ADH7: variants seen among roughly 807,000 people sequenced by gnomAD.
The protein encoded by ADH7 is all-trans-retinol dehydrogenase [NAD(+)] ADH7.
ADH7 carries 41 observed loss-of-function variants against 34.4 expected under a neutral mutation model. That is an observed-to-expected ratio of 1.19 (90% CI 0.93 to 1.55). ADH7 has a LOEUF of 1.55. ADH7 is among the 40% of genes most tolerant of loss of function. ADH7 has a pLI of 0.00. For synonymous variants in ADH7, 180 were observed against 160.9 expected (o/e 1.12, Z -0.90); for missense variants, 540 against 461.2 (o/e 1.17, Z -1.56).
intron 1 of ADH7, among the ~76,000 whole-genome samples, chr4:99,429,914 T>C (rs1402960722): frequency 6.6e-6 from 1 of 152,158 alleles, no homozygotes; most frequent in African/African-American, 2.4e-5. Flanking sequence ...CCCAACTTAT[T>C]GATTTTTGTT....
intron 6 of ADH7, among the ~76,000 whole-genome samples, chr4:99,420,224 G>A (rs930478): frequency 0.05 from 7,620 of 152,124 alleles, 370 homozygotes; most frequent in African/African-American, 0.12. Flanking sequence ...AATTGCTTTC[G>A]CCAAGAAATC....
In ADH7 at chr4:99,415,595, ACAT is replaced by A. The variant is rs750733698; in HGVS notation, c.980_982del (p.Asp327del). 6.2e-7 allele frequency: 1 copy of A among 1,613,402 alleles called. No individual in the cohort carries two copies. The highest frequency in any genetic ancestry group is 1.1e-5 in the South Asian group (1 of 90,978). On this transcript the variant is annotated inframe_deletion, in exon 8 of 9. Coordinates refer to ENST00000437033, the MANE Select transcript of ADH7 (RefSeq NM_000673.7). ...CAGGAACTCAGTCACTAGTTTTGGG[ACAT>A]CATCTCTGCTTTTCAAACCTGCAAA...
At chr4:99,419,365 C>G (rs1154458) in intron 6 of ADH7, among the ~76,000 whole-genome samples, 80,563 of 151,972 alleles carry the variant, frequency 0.53, 22,040 homozygotes, top group Middle Eastern at 0.62. Flanking sequence ...GTGTACCATG[C>G]ACTAAAATAC....
rs1199898137 is a variant in ADH7 at position 99,412,418 on chromosome 4, T to C, written c.*730A>G. On this transcript the variant is annotated 3_prime_UTR_variant, in exon 9 of 9. Coordinates refer to ENST00000437033, the MANE Select transcript of ADH7 (RefSeq NM_000673.7). The stretch of plus-strand genomic sequence containing the variant: ...GACTTAGGGACTTGCAATTCTACTG[T>C]ATCAAATTGAACATTATGATAAGTA... The C allele has an allele frequency of 6.6e-6, 1 of 152,138 alleles. No homozygotes were observed. The highest frequency in any genetic ancestry group is 2.4e-5 in the African/African-American group (1 of 41,448). 9.4% of individuals were successfully genotyped at this position (152,138 alleles called of 1,614,324 possible).
rs571198332 is a variant in ADH7 at position 99,418,904 on chromosome 4, C to G, written c.961+82G>C. The G allele has an allele frequency of 4.0e-6, 6 of 1,510,408 alleles. No homozygotes were observed. In the East Asian group the frequency reaches 1.4e-4, roughly 34 times the overall value. The allele number at this position is 1,510,408 out of a possible 1,614,324, so 93.6% of individuals were successfully genotyped here. On this transcript the variant is annotated intron_variant, in intron 7 of 8. Transcript: ENST00000437033. ...TTCATACTCATTCTTGGAAGAAAGGCCTGAGGAAACAGGCTTCTCCCACTT... is the reference window on the plus strand; with the variant it reads ...TTCATACTCATTCTTGGAAGAAAGGGCTGAGGAAACAGGCTTCTCCCACTT...
chr4:99,424,754 A>T (rs1721759652), intron 5 of ADH7, among the ~76,000 whole-genome samples: 1 of 152,152 alleles, frequency 6.6e-6, no homozygotes, highest in South Asian at 2.1e-4. Context: ...GAAGTTGCTT[A>T]TCAGCTTAAG....
chr4:99,417,052 T>C (rs1430961377), intron 7 of ADH7, among the ~76,000 whole-genome samples: 2 of 152,136 alleles, frequency 1.3e-5, no homozygotes, highest in African/African-American at 4.8e-5. Context: ...ACCAGCCCCA[T>C]CACTCCAAGC....
chr4:99,412,861 C>A lies in ADH7; in HGVS notation c.*287G>T. 3.1e-6 allele frequency: 1 copy of A among 322,424 alleles called. No individual in the cohort carries two copies. Among genetic ancestry groups the A allele is most frequent in the Non-Finnish European group, 5.6e-6 (1 of 177,982 alleles). The allele number at this position is 322,424 out of a possible 1,614,324, so 20.0% of individuals were successfully genotyped here. On this transcript the variant is annotated 3_prime_UTR_variant, in exon 9 of 9. Transcript: ENST00000437033. ...GCTGGTTAAAACTCTTAAAAATCTC[C>A]ATTTCAACATAGAAATCCAAGTGTA...
At chr4:99,431,733 C>T (rs1169809614) in intron 1 of ADH7, among the ~76,000 whole-genome samples, 1 of 152,138 alleles carries the variant, frequency 6.6e-6, no homozygotes, top group African/African-American at 2.4e-5. Context: ...CTCAACATCA[C>T]TAATCATTAG....
rs1371754156 is a variant in ADH7 at position 99,429,149 on chromosome 4, T to C, written c.120+383A>G. Among the ~76,000 whole-genome samples, 4 of 152,198 alleles carry C rather than the reference T, an allele frequency of 2.6e-5. No homozygotes were observed. In the East Asian group the frequency reaches 7.7e-4, roughly 29 times the overall value. ...AAAGGGAGGAAAACGTTCCACGAAG[T>C]TGTCATTTCTCCAGGCACAAGTGAG... is the stretch of plus-strand genomic sequence containing the variant. On this transcript the variant is annotated intron_variant, in intron 2 of 8. Coordinates refer to ENST00000437033, the MANE Select transcript of ADH7 (RefSeq NM_000673.7).
chr4:99,424,828 C>A (rs1298281903), intron 5 of ADH7, among the ~76,000 whole-genome samples: 1 of 152,006 alleles, frequency 6.6e-6, no homozygotes, highest in Admixed American at 6.6e-5. Context: ...CAAACAGGGA[C>A]AATTTGACTT....
At chr4:99,428,724 T>A in intron 2 of ADH7, 94 bp from the exon 3 acceptor site, 1 of 1,450,452 alleles carries the variant, frequency 6.9e-7, no homozygotes. Context: ...TATAATTGTT[T>A]AATCAATATC....
At position 99,435,310 on chromosome 4, in the gene ADH7, T is replaced by C. The variant is rs372329931; in HGVS notation, c.-77A>G. On this transcript the variant is annotated 5_prime_UTR_variant, in exon 1 of 9. Transcript: ENST00000437033. ...GATGCTCAGTTCACTCTGTTGTATA[T>C]AACAGCAGCTTGTGCCTTCACATAG... 2.9e-4 allele frequency: 456 copies of C among 1,588,964 alleles called. No individual in the cohort carries two copies. The highest frequency in any genetic ancestry group is 2.3e-4 in the Non-Finnish European group (272 of 1,160,496).
intron 1 of ADH7, 63 bp downstream of exon 1, chr4:99,435,153 T>G: frequency 6.3e-7 from 1 of 1,589,050 alleles, no homozygotes; most frequent in Non-Finnish European, 8.6e-7. Context: ...GGATTCAAAG[T>G]TCTAAGTATC....
At position 99,428,618 on chromosome 4, in the gene ADH7, C is replaced by T; in HGVS notation, c.133G>A (p.Gly45Arg). 6.2e-7 allele frequency: 1 copy of T among 1,612,464 alleles called. No homozygotes were observed. The highest frequency in any genetic ancestry group is 1.3e-5 in the African/African-American group (1 of 74,990). Residue 45 changes from glycine (G) to arginine (R), a missense_variant, in exon 3 of 9, where the codon GGA becomes AGA. Gly to Arg is a moderately radical substitution (Grantham distance 125). Coordinates refer to ENST00000437033, the MANE Select transcript of ADH7 (RefSeq NM_000673.7). ...KEVRIKILAT[G>R]ICRTDDHVIK... is the part of the protein sequence containing the mutation. ...ACATGGTCATCTGTGCGACAGATTC[C>T]TGTGGCCAAAATCTGTGTTCAAAGA...
intron 1 of ADH7, among the ~76,000 whole-genome samples, chr4:99,430,930 G>C (rs992436406): frequency 1.3e-5 from 2 of 152,092 alleles, no homozygotes; most frequent in African/African-American, 2.4e-5. Flanking sequence ...CCGAGTAGCT[G>C]AGACTACAGG....
intron 5 of ADH7, among the ~76,000 whole-genome samples, chr4:99,422,825 A>T (rs2110136302): frequency 6.9e-6 from 1 of 145,896 alleles, no homozygotes; most frequent in South Asian, 2.2e-4. Context: ...TTCTAATAAA[A>T]TAGACCTATT....
At chr4:99,424,879 C>T (rs1483264509) in intron 5 of ADH7, among the ~76,000 whole-genome samples, 3 of 152,012 alleles carry the variant, frequency 2.0e-5, no homozygotes, top group African/African-American at 7.2e-5. Flanking sequence ...CCTTCTCCTG[C>T]CTAATTGCCC....
rs1721858322 is a variant in ADH7 at position 99,428,190 on chromosome 4, C to A, written c.260-16G>T. 3.8e-6 allele frequency: 6 copies of A among 1,599,616 alleles called. No individual in the cohort carries two copies. In the East Asian group the frequency reaches 8.9e-5, roughly 24 times the overall value. On this transcript the variant is annotated splice_polypyrimidine_tract_variant and intron_variant, in intron 3 of 8. Coordinates refer to ENST00000437033, the MANE Select transcript of ADH7 (RefSeq NM_000673.7). ...ACTTTGTCACCTACAGGAAAAAAATCATGATATAAGATGCTGTTCATTAAT... is the reference window on the plus strand; with the variant it reads ...ACTTTGTCACCTACAGGAAAAAAATAATGATATAAGATGCTGTTCATTAAT...
Sources: allele counts gnomAD v4.1 joint callset (sites outside exome capture counted in the v4.1 genomes callset), GRCh38; gene constraint gnomAD v4.1.1; transcripts MANE v1.5; gene names NCBI Gene and HGNC (gene_info 2026-07-23, HGNC 2026-07-21).